Variants in RBFOX1 observed in about 807,000 individuals in gnomAD.
RBFOX1 encodes the protein RNA binding fox-1 homolog 1.
In RBFOX1, 8 loss-of-function variants were observed where a neutral mutation model predicts 57.7. That is an observed-to-expected ratio of 0.14 (90% CI 0.08 to 0.25). RBFOX1 has a LOEUF of 0.25. RBFOX1 is among the 10% of genes least tolerant of loss of function. RBFOX1 has a pLI of 1.00. For missense variants in RBFOX1, 611 were observed against 548.5 expected (o/e 1.11, Z -1.14); for synonymous variants, 326 against 222.4 (o/e 1.47, Z -4.15).
At chr16:7,466,221 C>G (rs1376065778) in intron 4 of RBFOX1, among the ~76,000 whole-genome samples, 9 of 152,190 alleles carry the variant, frequency 5.9e-5, no homozygotes, top group Non-Finnish European at 1.3e-4. Context: ...ATTTATAGAA[C>G]AACAATCCTT....
chr16:7,368,037 A>G (rs188220094), intron 4 of RBFOX1, among the ~76,000 whole-genome samples: 4 of 152,098 alleles, frequency 2.6e-5, no homozygotes, highest in East Asian at 3.9e-4. Flanking sequence ...GAAGCCGAGG[A>G]TGGTGAATCA....
intron 2 of RBFOX1, among the ~76,000 whole-genome samples, chr16:6,583,024 C>G (rs1216582681): frequency 5.5e-5 from 7 of 127,224 alleles, no homozygotes; most frequent in Non-Finnish European, 1.9e-5. Flanking sequence ...TTGTCTCTTG[C>G]TCGATGTCTC....
chr16:7,304,334 G>T, intron 4 of RBFOX1: 4 of 985,280 alleles, frequency 4.1e-6, no homozygotes, highest in Non-Finnish European at 4.8e-6. Flanking sequence ...AGAGAGCAAC[G>T]TGATTGCATT....
intron 1 of RBFOX1, among the ~76,000 whole-genome samples, chr16:6,269,081 A>T (rs10468325): frequency 0.028 from 4,281 of 152,274 alleles, 169 homozygotes; most frequent in African/African-American, 0.089. Context: ...TACCTAACAT[A>T]ATATAAATGC....
intron 3 of RBFOX1, among the ~76,000 whole-genome samples, chr16:6,751,098 G>T (rs949865316): frequency 6.6e-6 from 1 of 152,160 alleles, no homozygotes; most frequent in Non-Finnish European, 1.5e-5. Context: ...CAGTGGAGGG[G>T]TAGGACATAG....
intron 3 of RBFOX1, among the ~76,000 whole-genome samples, chr16:6,793,333 G>GT (rs969676825): frequency 1.1e-4 from 17 of 151,962 alleles, no homozygotes; most frequent in African/African-American, 2.7e-4. Flanking sequence ...GAGAAGTTGA[G>GT]TTTTTTTTCC....
At chr16:5,985,381 C>T (rs1596346662) in intron 4 of RBFOX1, among the ~76,000 whole-genome samples, 1 of 152,064 alleles carries the variant, frequency 6.6e-6, no homozygotes, top group Non-Finnish European at 1.5e-5. Context: ...TGTATTAATT[C>T]AGTCCCTTCT....
chr16:6,411,211 G>A (rs1404578004), intron 2 of RBFOX1, among the ~76,000 whole-genome samples: 1 of 152,110 alleles, frequency 6.6e-6, no homozygotes, highest in African/African-American at 2.4e-5. Context: ...TTGAACCCCT[G>A]GGGCAAGCAG....
At chr16:6,318,041 C>T (rs374003431) in intron 2 of RBFOX1, among the ~76,000 whole-genome samples, 1 of 152,100 alleles carries the variant, frequency 6.6e-6, no homozygotes, top group Admixed American at 6.5e-5. Context: ...AGAGGCTGAT[C>T]AAAGGGAATT....
At chr16:7,698,302 C>G (rs945618378) in intron 14 of RBFOX1, among the ~76,000 whole-genome samples, 2 of 151,850 alleles carry the variant, frequency 1.3e-5, no homozygotes, top group African/African-American at 4.8e-5. Flanking sequence ...ATTCCCTTAG[C>G]AAATCTGGGG....
intron 2 of RBFOX1, among the ~76,000 whole-genome samples, chr16:6,558,549 T>C (rs542793407): frequency 9.9e-5 from 15 of 152,250 alleles, no homozygotes; most frequent in African/African-American, 3.1e-4. Context: ...TTGTCATGAC[T>C]TTCAAAAGTT....
At chr16:6,032,831 T>A (rs2095309380) in intron 1 of RBFOX1, among the ~76,000 whole-genome samples, 2 of 151,950 alleles carry the variant, frequency 1.3e-5, no homozygotes, top group Non-Finnish European at 2.9e-5. Flanking sequence ...CTGTGTAATA[T>A]AATTTGTCTT....
intron 3 of RBFOX1, among the ~76,000 whole-genome samples, chr16:6,731,599 C>T (rs2068611887): frequency 6.6e-6 from 1 of 152,082 alleles, no homozygotes; most frequent in African/African-American, 2.4e-5. Flanking sequence ...CAGGGAATAG[C>T]CCTTAACTAA....
At chr16:7,508,133 C>G (rs1009162862) in intron 4 of RBFOX1, among the ~76,000 whole-genome samples, 1 of 151,990 alleles carries the variant, frequency 6.6e-6, no homozygotes, top group Non-Finnish European at 1.5e-5. Context: ...ATTACAGGCA[C>G]CTGCCACAAT....
intron 4 of RBFOX1, among the ~76,000 whole-genome samples, chr16:5,940,594 G>A (rs892568271): frequency 6.6e-6 from 1 of 152,162 alleles, no homozygotes; most frequent in Non-Finnish European, 1.5e-5. Flanking sequence ...ATTTCAATCA[G>A]GGCTCTCAGA....
At chr16:5,731,194 T>G (rs957124259) in intron 3 of RBFOX1, among the ~76,000 whole-genome samples, 1 of 151,710 alleles carries the variant, frequency 6.6e-6, no homozygotes, top group African/African-American at 2.4e-5. Flanking sequence ...GTCACCAGTG[T>G]CACCGTTATC....
chr16:5,562,946 G>A (rs2045939370), intron 2 of RBFOX1, among the ~76,000 whole-genome samples: 2 of 152,076 alleles, frequency 1.3e-5, no homozygotes, highest in Non-Finnish European at 2.9e-5. Context: ...ATGTAAAATA[G>A]GGCTGTATTA....
chr16:6,639,244 T>C (rs987460183), intron 2 of RBFOX1, among the ~76,000 whole-genome samples: 1 of 152,242 alleles, frequency 6.6e-6, no homozygotes, highest in African/African-American at 2.4e-5. Context: ...ATTGGATGTC[T>C]TTCTGGAATC....
intron 1 of RBFOX1, among the ~76,000 whole-genome samples, chr16:5,350,916 C>T (rs79139587): frequency 0.013 from 2,004 of 152,064 alleles, 45 homozygotes; most frequent in African/African-American, 0.045. Context: ...TAATGCATCT[C>T]GCAGGGTTGT....
Sources: allele counts gnomAD v4.1 joint callset (sites outside exome capture counted in the v4.1 genomes callset), GRCh38; gene constraint gnomAD v4.1.1; transcripts MANE v1.5; gene names NCBI Gene and HGNC (gene_info 2026-07-23, HGNC 2026-07-21).